Variants in CCDC38 observed in about 807,000 individuals in gnomAD.
CCDC38 encodes coiled-coil domain containing 38, also known as coiled-coil domain-containing protein 38.
A neutral mutation model predicts 72.8 loss-of-function variants in CCDC38; 69 were observed. The ratio of observed to expected loss-of-function variants is 0.95; its 90% confidence interval spans 0.78 to 1.16. The LOEUF (loss-of-function observed/expected upper bound fraction) is 1.16. CCDC38 is among the 50% of genes most tolerant of loss of function. The probability of loss-of-function intolerance (pLI) is 0.00; values close to 1 mark genes in which losing one functional copy is unlikely to be tolerated. For missense variants in CCDC38, 626 were observed against 638.9 expected (o/e 0.98, Z 0.22); for synonymous variants, 201 against 213.2 (o/e 0.94, Z 0.50).
At chr12:95,918,459 T>C (rs1272506754) in intron 3 of CCDC38, among the ~76,000 whole-genome samples, 1 of 152,234 alleles carries the variant, frequency 6.6e-6, no homozygotes, top group Admixed American at 6.5e-5. Flanking sequence ...GGCACGCCTC[T>C]GTTACTGTAT....
intron 14 of CCDC38, chr12:95,869,778 T>G: frequency 4.0e-6 from 2 of 506,306 alleles, no homozygotes; most frequent in Non-Finnish European, 6.9e-6. Flanking sequence ...GGGAAGAAAT[T>G]TCATCATTTT....
At chr12:95,868,948 C>T (rs2079552176) in intron 15 of CCDC38, among the ~76,000 whole-genome samples, 1 of 152,134 alleles carries the variant, frequency 6.6e-6, no homozygotes, top group Admixed American at 6.5e-5. Flanking sequence ...ACACAGTCCC[C>T]ACAGTTACAT....
At chr12:95,875,455 G>A (rs1462453634) in intron 13 of CCDC38, among the ~76,000 whole-genome samples, 1 of 152,088 alleles carries the variant, frequency 6.6e-6, no homozygotes, top group East Asian at 1.9e-4. Flanking sequence ...AGTTTTGAAA[G>A]ACTAAAATTC....
At chr12:95,900,953 G>A (rs2079944096) in intron 5 of CCDC38, among the ~76,000 whole-genome samples, 1 of 152,320 alleles carries the variant, frequency 6.6e-6, no homozygotes, top group East Asian at 1.9e-4. Context: ...AGGTCAGAGA[G>A]TAAGCTGGGG....
intron 4 of CCDC38, among the ~76,000 whole-genome samples, chr12:95,907,931 G>A (rs1302412149): frequency 2.0e-5 from 3 of 151,324 alleles, no homozygotes; most frequent in African/African-American, 4.9e-5. Context: ...ATGGCGGCTG[G>A]GCAGAGATGC....
At chr12:95,881,213 CAAG>C (rs2079696220) in intron 11 of CCDC38, among the ~76,000 whole-genome samples, 1 of 150,108 alleles carries the variant, frequency 6.7e-6, no homozygotes, top group Non-Finnish European at 1.5e-5. Context: ...GCTATTTTTA[CAAG>C]AAGATTGTAG....
chr12:95,890,970 TG>T (rs142196054), intron 8 of CCDC38, 40 bp from the exon 9 acceptor site: 229 of 1,164,020 alleles, frequency 2.0e-4, no homozygotes, highest in Non-Finnish European at 2.5e-4. Flanking sequence ...CAGAGAAAGA[TG>T]GGGGGAAAAA....
chr12:95,896,675 A>G (rs186313577), intron 7 of CCDC38: 15 of 152,356 alleles, frequency 9.8e-5, no homozygotes, highest in Admixed American at 5.9e-4. Flanking sequence ...TACAGTTTCC[A>G]AGCAAAAGCT....
intron 5 of CCDC38, among the ~76,000 whole-genome samples, chr12:95,904,963 A>G (rs1326165628): frequency 6.6e-6 from 1 of 152,218 alleles, no homozygotes; most frequent in Non-Finnish European, 1.5e-5. Context: ...TGGCATCAAC[A>G]GGAGATTGGC....
At chr12:95,920,715 G>A (rs923714948) in intron 2 of CCDC38, among the ~76,000 whole-genome samples, 2 of 152,028 alleles carry the variant, frequency 1.3e-5, no homozygotes, top group African/African-American at 2.4e-5. Context: ...GGGGCCTAGG[G>A]GTTGATGGCT....
intron 1 of CCDC38, among the ~76,000 whole-genome samples, chr12:95,938,459 CT>C (rs1289821004): frequency 1.3e-5 from 2 of 152,160 alleles, no homozygotes; most frequent in African/African-American, 4.8e-5. Flanking sequence ...TCCTTAAAGT[CT>C]TTTTGCAATG....
Position 95,898,655 on chromosome 12 carries a change from T to C in CCDC38, c.446A>G (p.Lys149Arg). ...DIAMRERQLK[K>R]AEKKLQDDAL... ...ATCATCTTGGAGCTTTTTCTCTGCT[T>C]TTTTTAGTTGCCGTTCCCTCATTGC... The change falls in exon 6 of 16, where the codon AAA becomes AGA. Residue 149 changes from lysine (K) to arginine (R), a missense_variant. Physicochemically the swap from Lys to Arg is conservative, Grantham distance 26. Transcript: ENST00000344280. The C allele has an allele frequency of 6.2e-7, 1 of 1,614,238 alleles. No individual in the cohort carries two copies. The highest frequency in any genetic ancestry group is 8.5e-7 in the Non-Finnish European group (1 of 1,180,034).
chr12:95,919,817 G>C (rs559681040), intron 2 of CCDC38, among the ~76,000 whole-genome samples: 6 of 152,128 alleles, frequency 3.9e-5, no homozygotes, highest in Non-Finnish European at 8.8e-5. Context: ...TCTTAAAAAA[G>C]AAAGTCAAAG....
chr12:95,875,705 T>C lies in CCDC38; in HGVS notation c.1278+2506A>G, dbSNP rs77270498. On this transcript the variant is annotated intron_variant, in intron 13 of 15. Transcript: ENST00000344280. ...TTCACCTCCCCTTCCCCACCCCACATTTCACATCTCTAGAAGACACTATGG... is the reference window on the plus strand; with the variant it reads ...TTCACCTCCCCTTCCCCACCCCACACTTCACATCTCTAGAAGACACTATGG... Among the ~76,000 whole-genome samples, 953 of 152,264 alleles carry C rather than the reference T, an allele frequency of 6.3e-3. 15 individuals are homozygous for C. The highest frequency in any genetic ancestry group is 0.022 in the African/African-American group (905 of 41,538).
chr12:95,929,518 G>C (rs1156580530), intron 2 of CCDC38, among the ~76,000 whole-genome samples: 1 of 152,180 alleles, frequency 6.6e-6, no homozygotes, highest in African/African-American at 2.4e-5. Context: ...CTCACGCTGG[G>C]AGCTGTAGAC....
At chr12:95,939,705 T>A (rs990639659) in intron 1 of CCDC38, among the ~76,000 whole-genome samples, 5 of 152,204 alleles carry the variant, frequency 3.3e-5, no homozygotes, top group Non-Finnish European at 7.3e-5. Context: ...GAGATATATA[T>A]TAGATATCTA....
At chr12:95,880,342 G>A (rs904419957) in intron 11 of CCDC38, among the ~76,000 whole-genome samples, 4 of 152,122 alleles carry the variant, frequency 2.6e-5, no homozygotes, top group African/African-American at 4.8e-5. Flanking sequence ...ACATACTATG[G>A]AATATTATTC....
intron 9 of CCDC38, among the ~76,000 whole-genome samples, chr12:95,888,829 C>T (rs1430936054): frequency 6.6e-6 from 1 of 152,004 alleles, no homozygotes; most frequent in South Asian, 2.1e-4. Flanking sequence ...AACTATATAT[C>T]ATTCGCCCCA....
At position 95,942,607 on chromosome 12, in the gene CCDC38, A is replaced by T. The variant is rs2080465567; in HGVS notation, c.-191T>A. 1 of 152,398 alleles carries T rather than the reference A, an allele frequency of 6.6e-6. No individual in the cohort carries two copies. Among genetic ancestry groups the T allele is most frequent in the Non-Finnish European group, 1.5e-5 (1 of 68,228 alleles). The allele number at this position is 152,398 out of a possible 1,614,324, so 9.4% of individuals were successfully genotyped here. ...ATCCCGGAACGCAGCTGGCCAACGG[A>T]TAAGTGCGGGGCACCCGCCACCCGC... On this transcript the variant is annotated 5_prime_UTR_variant, in exon 1 of 16. Transcript: ENST00000344280.
Sources: gnomAD v4.1 joint callset for allele counts (sites outside exome capture counted in the v4.1 genomes callset) on GRCh38, gnomAD v4.1.1 for gene constraint, MANE v1.5 for transcripts, NCBI Gene and HGNC (gene_info 2026-07-23, HGNC 2026-07-21) for gene names.